GRM8: variants seen among roughly 807,000 people sequenced by gnomAD.
GRM8 encodes the protein glutamate metabotropic receptor 8.
Under a neutral mutation model 87.2 loss-of-function variants are expected in GRM8, and 47 were observed. The observed-to-expected ratio is 0.54, with a 90% CI of 0.43 to 0.69. The LOEUF (loss-of-function observed/expected upper bound fraction) is 0.69, where lower values mean the gene tolerates loss of function less well. Ranked by LOEUF, GRM8 falls within the 30% of genes least tolerant of loss-of-function variation. The pLI is 0.00. For missense variants in GRM8, 1,019 were observed against 1,139.2 expected (o/e 0.89, Z 1.52); for synonymous variants, 396 against 404.5 (o/e 0.98, Z 0.25).
chr7:127,114,871 C>T (rs1826606452), intron 2 of GRM8, among the ~76,000 whole-genome samples: 4 of 152,016 alleles, frequency 2.6e-5, no homozygotes, highest in African/African-American at 7.2e-5. Context: ...GGAAAGAAAA[C>T]AAATGACTCA....
chr7:127,074,368 G>T (rs1293213156), intron 3 of GRM8, among the ~76,000 whole-genome samples: 1 of 152,094 alleles, frequency 6.6e-6, no homozygotes, highest in Non-Finnish European at 1.5e-5. Flanking sequence ...GCAGGAAATT[G>T]TGCAATATAG....
intron 7 of GRM8, among the ~76,000 whole-genome samples, chr7:126,767,366 G>A (rs186923980): frequency 1.3e-5 from 2 of 152,084 alleles, no homozygotes; most frequent in Non-Finnish European, 2.9e-5. Flanking sequence ...AAAACAGCCA[G>A]AGAAGACTTC....
At chr7:126,827,923 G>A (rs528006082) in intron 6 of GRM8, among the ~76,000 whole-genome samples, 2 of 152,206 alleles carry the variant, frequency 1.3e-5, no homozygotes, top group Admixed American at 6.5e-5. Flanking sequence ...TAGCATGAAG[G>A]GTTGTTGAAT....
At position 126,682,557 on chromosome 7, in the gene GRM8, CAG is replaced by C. The variant is rs1205288834; in HGVS notation, c.1358-73061_1358-73060del. 8.5e-5 allele frequency among the ~76,000 whole-genome samples: 13 copies of C among 152,286 alleles called. No homozygotes were observed. In the South Asian group the frequency reaches 2.3e-3, roughly 27 times the overall value. ...AAGCTTACACTCTTATTCACTAAGA[CAG>C]GGGTCAGCAAAGAATGGTCGGCACT... On this transcript the variant is annotated intron_variant, in intron 7 of 10. Coordinates refer to ENST00000339582, the MANE Select transcript of GRM8 (RefSeq NM_000845.3).
intron 3 of GRM8, among the ~76,000 whole-genome samples, chr7:126,953,629 C>T (rs1808380353): frequency 6.6e-6 from 1 of 152,006 alleles, no homozygotes; most frequent in Non-Finnish European, 1.5e-5. Flanking sequence ...CCACCTCATT[C>T]TCTCCTGTTT....
At chr7:126,773,515 C>A (rs1819080131) in intron 6 of GRM8, among the ~76,000 whole-genome samples, 1 of 152,112 alleles carries the variant, frequency 6.6e-6, no homozygotes, top group Non-Finnish European at 1.5e-5. Flanking sequence ...AATATATTAT[C>A]ATTTTAGTGC....
At position 127,106,476 on chromosome 7, in the gene GRM8, T is replaced by C; in HGVS notation, c.727+20A>G. On this transcript the variant is annotated intron_variant, in intron 3 of 10. Transcript: ENST00000339582. Reference sequence around the variant, plus strand: ...AATCTGTCACCTCCAAATACAATCATCTGATAAATATATGCTTACCAATCT... The same window carrying C: ...AATCTGTCACCTCCAAATACAATCACCTGATAAATATATGCTTACCAATCT... The C allele has an allele frequency of 4.4e-6, 7 of 1,585,418 alleles. No individual in the cohort carries two copies. Among genetic ancestry groups the C allele is most frequent in the Non-Finnish European group, 6.1e-6 (7 of 1,154,802 alleles).
At chr7:127,189,125 T>G (rs562722197) in intron 2 of GRM8, among the ~76,000 whole-genome samples, 1 of 152,326 alleles carries the variant, frequency 6.6e-6, no homozygotes, top group South Asian at 2.1e-4. Context: ...CCCTACCACC[T>G]AATACAAGTA....
intron 2 of GRM8, among the ~76,000 whole-genome samples, chr7:127,112,938 C>T (rs957528932): frequency 6.6e-6 from 1 of 152,160 alleles, no homozygotes; most frequent in African/African-American, 2.4e-5. Context: ...TCATTTACCC[C>T]TTCTTTCTTA....
chr7:126,896,372 T>C (rs890799484), intron 6 of GRM8, among the ~76,000 whole-genome samples: 1 of 152,006 alleles, frequency 6.6e-6, no homozygotes, highest in African/African-American at 2.4e-5. Context: ...AGTTTTACTC[T>C]AGGCAAGGGG....
intron 2 of GRM8, among the ~76,000 whole-genome samples, chr7:127,235,887 T>C (rs932424804): frequency 2.0e-5 from 3 of 152,236 alleles, no homozygotes; most frequent in Non-Finnish European, 4.4e-5. Flanking sequence ...AAGAAAGTCA[T>C]AAATCACATA....
At chr7:127,100,077 A>T (rs1045194446) in intron 3 of GRM8, among the ~76,000 whole-genome samples, 2 of 152,166 alleles carry the variant, frequency 1.3e-5, no homozygotes, top group Non-Finnish European at 2.9e-5. Flanking sequence ...AGAGGCAAGG[A>T]GGGATTCTCT....
chr7:126,771,254 G>C (rs1764796233), intron 6 of GRM8, among the ~76,000 whole-genome samples: 2 of 151,894 alleles, frequency 1.3e-5, no homozygotes, highest in Admixed American at 1.3e-4. Flanking sequence ...TGAAAAACTA[G>C]TTTTTTTCTA....
At chr7:126,492,977 C>T (rs74507126) in intron 9 of GRM8, among the ~76,000 whole-genome samples, 4,287 of 152,014 alleles carry the variant, frequency 0.028, 94 homozygotes, top group Middle Eastern at 0.054. Context: ...AGCACATGTG[C>T]GAAGGGAAGA....
intron 3 of GRM8, among the ~76,000 whole-genome samples, chr7:126,905,511 T>C (rs1802588092): frequency 6.6e-6 from 1 of 152,220 alleles, no homozygotes; most frequent in Non-Finnish European, 1.5e-5. Context: ...TTCAACTGCA[T>C]TATGGTATAA....
chr7:127,122,033 C>A (rs1393816164), intron 2 of GRM8, among the ~76,000 whole-genome samples: 2 of 152,212 alleles, frequency 1.3e-5, no homozygotes, highest in African/African-American at 4.8e-5. Flanking sequence ...GTTCATTTCA[C>A]TTCAGTTTTG....
chr7:127,098,687 A>G (rs764453986), intron 3 of GRM8, among the ~76,000 whole-genome samples: 2 of 152,214 alleles, frequency 1.3e-5, no homozygotes, highest in Non-Finnish European at 2.9e-5. Context: ...CTGCCATCCC[A>G]ACAACTCTCT....
Position 126,526,984 on chromosome 7 carries a change from T to C in GRM8, c.2430+5968A>G, listed in dbSNP as rs536969451. On this transcript the variant is annotated intron_variant, in intron 9 of 10. Coordinates refer to ENST00000339582, the MANE Select transcript of GRM8 (RefSeq NM_000845.3). ...GATCTTGTCCACAAAAAATCGACCG[T>C]AATACATTAAATAGTTCTGTAATGT... 6.6e-5 allele frequency among the ~76,000 whole-genome samples: 10 copies of C among 152,322 alleles called. No homozygotes were observed. In the East Asian group the frequency reaches 9.6e-4, roughly 15 times the overall value.
chr7:126,489,580 A>T (rs1807767019), intron 9 of GRM8, among the ~76,000 whole-genome samples: 1 of 152,084 alleles, frequency 6.6e-6, no homozygotes, highest in Non-Finnish European at 1.5e-5. Context: ...CGTATTACAG[A>T]TTTATACAGG....
Sources: allele counts gnomAD v4.1 joint callset (sites outside exome capture counted in the v4.1 genomes callset), GRCh38; gene constraint gnomAD v4.1.1; transcripts MANE v1.5; gene names NCBI Gene and HGNC (gene_info 2026-07-23, HGNC 2026-07-21).